Variants in TAFA1 observed in about 807,000 individuals in gnomAD.
TAFA1 encodes the protein chemokine-like protein TAFA-1.
A neutral mutation model predicts 18.5 loss-of-function variants in TAFA1; 4 were observed. The observed-to-expected ratio is 0.22, with a 90% CI of 0.11 to 0.49. The LOEUF is 0.49. Ranked by LOEUF, TAFA1 falls within the 20% of genes least tolerant of loss-of-function variation. TAFA1 has a pLI of 0.98. For missense variants in TAFA1, 147 were observed against 169.0 expected (o/e 0.87, Z 0.72); for synonymous variants, 56 against 55.2 (o/e 1.01, Z -0.06).
chr3:68,206,637 C>A (rs1233892953), intron 2 of TAFA1, among the ~76,000 whole-genome samples: 1 of 151,944 alleles, frequency 6.6e-6, no homozygotes. Flanking sequence ...ATTACACTTT[C>A]TCTCTGAGCT....
At chr3:68,146,329 T>C (rs1413313747) in intron 2 of TAFA1, among the ~76,000 whole-genome samples, 1 of 152,030 alleles carries the variant, frequency 6.6e-6, no homozygotes, top group African/African-American at 2.4e-5. Flanking sequence ...ATGAGGAAGT[T>C]TGTCTTTATC....
chr3:68,485,880 T>A (rs1409502881), intron 3 of TAFA1, among the ~76,000 whole-genome samples: 2 of 152,070 alleles, frequency 1.3e-5, no homozygotes, highest in Non-Finnish European at 2.9e-5. Context: ...CTTTTAAACA[T>A]TTAATCTGTA....
chr3:68,419,649 C>G (rs1005718168), intron 3 of TAFA1, among the ~76,000 whole-genome samples: 4 of 152,222 alleles, frequency 2.6e-5, no homozygotes, highest in African/African-American at 9.6e-5. Context: ...GTTCACATAA[C>G]AGGACACTGA....
At chr3:68,224,476 T>G (rs1316068446) in intron 2 of TAFA1, among the ~76,000 whole-genome samples, 2 of 152,252 alleles carry the variant, frequency 1.3e-5, no homozygotes, top group East Asian at 3.9e-4. Context: ...TCTTAGTCTC[T>G]GTGGCAAACT....
At chr3:68,482,803 C>T (rs1260102930) in intron 3 of TAFA1, among the ~76,000 whole-genome samples, 1 of 152,132 alleles carries the variant, frequency 6.6e-6, no homozygotes, top group Non-Finnish European at 1.5e-5. Flanking sequence ...TTATTGCCAC[C>T]ATAAGTAGAA....
chr3:68,249,431 G>C lies in TAFA1; in HGVS notation c.119-167849G>C, dbSNP rs576474492. Among the ~76,000 whole-genome samples, 4 of 152,256 alleles carry C rather than the reference G, an allele frequency of 2.6e-5. No homozygotes were observed. In the East Asian group the frequency reaches 7.7e-4, roughly 29 times the overall value. On this transcript the variant is annotated intron_variant, in intron 2 of 4. Coordinates refer to ENST00000478136, the MANE Select transcript of TAFA1 (RefSeq NM_213609.4). ...TCTGACAACTCAGTCTCAGTACCTG[G>C]TTTGAGTCATAAGGCGTCACTGACA...
At position 68,214,210 on chromosome 3, in the gene TAFA1, G is replaced by T. The variant is rs539522164; in HGVS notation, c.119-203070G>T. The stretch of plus-strand genomic sequence containing the variant: ...ACACTCAACATGGTCCAAATGCTTT[G>T]TCTGTCCTTTTCATGCTTTCTAGTT... On this transcript the variant is annotated intron_variant, in intron 2 of 4. Transcript: ENST00000478136. Among the ~76,000 whole-genome samples the T allele has an allele frequency of 9.2e-5, 14 of 152,188 alleles. No individual in the cohort carries two copies. In the South Asian group the frequency reaches 2.5e-3, roughly 27 times the overall value.
rs1018032736 is a variant in TAFA1 at position 68,284,647 on chromosome 3, G to T, written c.119-132633G>T. Among the ~76,000 whole-genome samples the T allele has an allele frequency of 5.9e-5, 9 of 152,202 alleles. No homozygotes were observed. In the South Asian group the frequency reaches 1.7e-3, roughly 28 times the overall value. On this transcript the variant is annotated intron_variant, in intron 2 of 4. Coordinates refer to ENST00000478136, the MANE Select transcript of TAFA1 (RefSeq NM_213609.4). ...ACTGCCCAGCAATAAAAAAGAGCAG[G>T]CCAGGCATGGTGATTCACACCTGTA...
chr3:68,211,574 A>T (rs993964172), intron 2 of TAFA1, among the ~76,000 whole-genome samples: 3 of 152,086 alleles, frequency 2.0e-5, no homozygotes, highest in African/African-American at 7.2e-5. Flanking sequence ...ACTCTGTTTT[A>T]GTCCATTTGT....
chr3:68,417,457 G>A (rs199877425), intron 3 of TAFA1, 37 bp downstream of exon 3: 1 of 1,601,826 alleles, frequency 6.2e-7, no homozygotes, highest in Non-Finnish European at 8.5e-7. Flanking sequence ...AAGCTCACAT[G>A]GCATTCACTA....
intron 2 of TAFA1, among the ~76,000 whole-genome samples, chr3:68,294,958 T>C (rs2068181930): frequency 6.6e-6 from 1 of 152,210 alleles, no homozygotes; most frequent in South Asian, 2.1e-4. Flanking sequence ...CCAATGGTTA[T>C]ATTAGGCAGC....
intron 3 of TAFA1, among the ~76,000 whole-genome samples, chr3:68,486,680 C>A (rs935904012): frequency 1.3e-5 from 2 of 152,174 alleles, no homozygotes; most frequent in Non-Finnish European, 2.9e-5. Context: ...GTAATGACGA[C>A]CTCTGGGTCT....
intron 2 of TAFA1, among the ~76,000 whole-genome samples, chr3:68,120,173 CTTTCTTT>C (rs2065374154): frequency 1.3e-3 from 22 of 16,458 alleles, no homozygotes; most frequent in South Asian, 7.1e-3. Flanking sequence ...CTTTCTTTCT[CTTTCTTT>C]CTTTCTTTCT....
chr3:68,249,301 C>A (rs544691739), intron 2 of TAFA1, among the ~76,000 whole-genome samples: 3 of 152,186 alleles, frequency 2.0e-5, no homozygotes, highest in Non-Finnish European at 4.4e-5. Flanking sequence ...CGGGCAGACC[C>A]TTTCTACCAT....
intron 3 of TAFA1, among the ~76,000 whole-genome samples, chr3:68,445,452 A>G (rs2071459384): frequency 6.6e-6 from 1 of 152,200 alleles, no homozygotes; most frequent in Non-Finnish European, 1.5e-5. Context: ...TATGCAATGA[A>G]GTATGGGCAA....
intron 2 of TAFA1, among the ~76,000 whole-genome samples, chr3:68,193,384 GGAA>G (rs2107019290): frequency 6.6e-6 from 1 of 151,852 alleles, no homozygotes; most frequent in East Asian, 2.0e-4. Context: ...GTCAAGGAAA[GGAA>G]GAAGTTCAAT....
intron 2 of TAFA1, among the ~76,000 whole-genome samples, chr3:68,168,547 G>C (rs1293896467): frequency 6.6e-6 from 1 of 152,154 alleles, no homozygotes; most frequent in Admixed American, 6.5e-5. Context: ...TTCCAGTCTA[G>C]GAGTTGAAAT....
intron 2 of TAFA1, among the ~76,000 whole-genome samples, chr3:68,224,278 C>T (rs559126909): frequency 8.5e-5 from 13 of 152,206 alleles, no homozygotes; most frequent in East Asian, 7.7e-4. Context: ...GTGTCTTCCA[C>T]CTCAGAACTC....
At chr3:68,247,088 C>A (rs865900021) in intron 2 of TAFA1, among the ~76,000 whole-genome samples, 2 of 152,194 alleles carry the variant, frequency 1.3e-5, no homozygotes, top group Middle Eastern at 6.8e-3. Flanking sequence ...TTATTAATAC[C>A]TCCACCTACG....
Sources: allele counts gnomAD v4.1 joint callset (sites outside exome capture counted in the v4.1 genomes callset), GRCh38; gene constraint gnomAD v4.1.1; transcripts MANE v1.5; gene names NCBI Gene and HGNC (gene_info 2026-07-23, HGNC 2026-07-21).